CTC1: variants seen among roughly 807,000 people sequenced by gnomAD.
CTC1 encodes CST complex subunit CTC1.
CTC1 carries 91 observed loss-of-function variants against 136.3 expected under a neutral mutation model. The observed-to-expected ratio is 0.67, with a 90% CI of 0.56 to 0.79. The LOEUF is 0.79. CTC1 is among the 30% of genes least tolerant of loss of function. The pLI, the probability that CTC1 is intolerant of heterozygous loss-of-function variation, is 0.00. For synonymous variants in CTC1, 606 were observed against 613.8 expected (o/e 0.99, Z 0.19); for missense variants, 1,432 against 1,498.1 (o/e 0.96, Z 0.73).
Position 8,226,324 on chromosome 17 carries a change from G to C in CTC1, c.*1856C>G, listed in dbSNP as rs145845338. 15 of 152,160 alleles carry C rather than the reference G, an allele frequency of 9.9e-5. No homozygotes were observed. The highest frequency in any genetic ancestry group is 7.9e-4 in the Admixed American group (12 of 15,264). The allele number at this position is 152,160 out of a possible 1,614,324, so 9.4% of individuals were successfully genotyped here. A position where few individuals can be genotyped will look rare whatever the true frequency, so the allele number is the denominator to read the frequency against. On this transcript the variant is annotated 3_prime_UTR_variant, in exon 23 of 23. Transcript: ENST00000651323. ...CCACGGCGCCGAAGCTGCCATAAAG[G>C]TTCCTGAAATTCATCTACAAGAATA...
In CTC1 at chr17:8,238,587, T is replaced by C. The variant is rs376212588; in HGVS notation, c.240A>G (p.Pro80=). 2 of 1,613,194 alleles carry C rather than the reference T, an allele frequency of 1.2e-6. No homozygotes were observed. Among genetic ancestry groups the C allele is most frequent in the South Asian group, 2.2e-5 (2 of 90,964 alleles). Residue 80 remains proline, a synonymous_variant, in exon 3 of 23, where the codon CCA becomes CCG. Transcript: ENST00000651323. ...VQDLKTHQRL[P]CCSHLSWSSS... is the part of the protein sequence containing the mutation. ...TGCTCCACGACAGGTGGCTGCAGCA[T>C]GGGAGACGCTGGTGAGTCTTGAGGT...
chr17:8,231,586 C>T (rs963229586), intron 14 of CTC1, 117 bp from the exon 15 acceptor site: 8 of 1,225,278 alleles, frequency 6.5e-6, no homozygotes, highest in Non-Finnish European at 9.3e-6. Flanking sequence ...AGTGTGTCAA[C>T]ACACACAGGC....
intron 2 of CTC1, among the ~76,000 whole-genome samples, chr17:8,240,299 C>A (rs1333567880): frequency 6.6e-6 from 1 of 151,746 alleles, no homozygotes; most frequent in Non-Finnish European, 1.5e-5. Flanking sequence ...GGACTACAGG[C>A]ATGTGCCACC....
chr17:8,234,690 C>T (rs1987544355), intron 9 of CTC1, 35 bp from the exon 10 acceptor site: 2 of 1,587,088 alleles, frequency 1.3e-6, no homozygotes, highest in Non-Finnish European at 1.7e-6. Context: ...GGTGTGTGTC[C>T]CATGGGCCCC....
In CTC1 at chr17:8,226,312, G is replaced by C. The variant is rs535981109; in HGVS notation, c.*1868C>G. On this transcript the variant is annotated 3_prime_UTR_variant, in exon 23 of 23. Transcript: ENST00000651323. ...TAACCAACTAAGCCACGGCGCCGAA[G>C]CTGCCATAAAGGTTCCTGAAATTCA... 6.6e-6 allele frequency: 1 copy of C among 152,244 alleles called. No individual in the cohort carries two copies. The allele number at this position is 152,244 out of a possible 1,614,324, so 9.4% of individuals were successfully genotyped here.
chr17:8,237,042 T>TG (rs954923339), intron 5 of CTC1, among the ~76,000 whole-genome samples: 22 of 151,374 alleles, frequency 1.5e-4, no homozygotes, highest in Admixed American at 4.6e-4. Context: ...TACCAAGTTT[T>TG]TTTTTTTTTT....
rs976462714 is a variant in CTC1, at chr17:8,229,254, C to T, written c.3156+48G>A. 3.7e-6 allele frequency: 6 copies of T among 1,613,982 alleles called. No individual in the cohort carries two copies. In the African/African-American group the frequency reaches 8.0e-5, roughly 22 times the overall value. The stretch of plus-strand genomic sequence containing the variant: ...AAAAGTCCTCTTGGTCCCATCACAT[C>T]CCTCTGGCACTCCATACTCAGTTCA... On this transcript the variant is annotated intron_variant, in intron 19 of 22. Coordinates refer to ENST00000651323, the MANE Select transcript of CTC1 (RefSeq NM_025099.6).
At position 8,237,386 on chromosome 17, in the gene CTC1, T is replaced by C. The variant is rs748358827; in HGVS notation, c.781A>G (p.Ile261Val). The C allele has an allele frequency of 1.2e-6, 2 of 1,614,098 alleles. No homozygotes were observed. The highest frequency in any genetic ancestry group is 2.2e-5 in the South Asian group (2 of 91,080). Residue 261 changes from isoleucine (I) to valine (V), a missense_variant, in exon 5 of 23, where the codon ATC becomes GTC. Transcript: ENST00000651323. Reference protein sequence around the residue: ...RSHPAVTHVSIIVQVPAQLVW... With the variant: ...RSHPAVTHVSVIVQVPAQLVW... Reference sequence around the variant, plus strand: ...ACCCCAGTCCTCACCTGCACGATGATGGACACGTGGGTGACAGCTGGGTGT... The same window carrying C: ...ACCCCAGTCCTCACCTGCACGATGACGGACACGTGGGTGACAGCTGGGTGT...
chr17:8,227,233 A>G lies in CTC1; in HGVS notation c.*947T>C, dbSNP rs947458282. The G allele has an allele frequency of 2.0e-5, 3 of 152,252 alleles. No individual in the cohort carries two copies. The highest frequency in any genetic ancestry group is 7.2e-5 in the African/African-American group (3 of 41,460). 9.4% of individuals were successfully genotyped at this position (152,252 alleles called of 1,614,324 possible). A position where few individuals can be genotyped will look rare whatever the true frequency, so the allele number is the denominator to read the frequency against. On this transcript the variant is annotated 3_prime_UTR_variant, in exon 23 of 23. Transcript: ENST00000651323. ...CCAGTAGCTCTGAAAGATGTGCCTC[A>G]GCTCATCTTTCCACCTCTCCATCTA...
chr17:8,234,419 G>C (rs4792621), intron 10 of CTC1, 36 bp downstream of exon 10: 48 of 1,539,610 alleles, frequency 3.1e-5, no homozygotes, highest in Non-Finnish European at 3.5e-5. Flanking sequence ...ATGACAAAAA[G>C]GGAAATCACC....
Position 8,236,010 on chromosome 17 carries a change from AC to A in CTC1, c.1077+47del, listed in dbSNP as rs748539135. 5.0e-6 allele frequency: 8 copies of A among 1,597,788 alleles called. No individual in the cohort carries two copies. The African/African-American group carries it at 1.1e-4, about 21-fold the overall frequency. ...ACCACTATTTTCTTCCTCTTTGAAA[AC>A]CCACATTTCTGGCCCCTCAAGCTCT... On this transcript the variant is annotated intron_variant, in intron 6 of 22. Transcript: ENST00000651323.
intron 1 of CTC1, among the ~76,000 whole-genome samples, chr17:8,245,532 T>A (rs1988603874): frequency 6.6e-6 from 1 of 152,130 alleles, no homozygotes; most frequent in African/African-American, 2.4e-5. Flanking sequence ...GGATGGCCTA[T>A]CCTTTGCTTG....
At chr17:8,244,317 GAC>G (rs1271693136) in intron 1 of CTC1, among the ~76,000 whole-genome samples, 1 of 152,150 alleles carries the variant, frequency 6.6e-6, no homozygotes, top group African/African-American at 2.4e-5. Flanking sequence ...TTGTATACCT[GAC>G]ACAGATTCTG....
chr17:8,227,137 T>A lies in CTC1; in HGVS notation c.*1043A>T, dbSNP rs542320822. On this transcript the variant is annotated 3_prime_UTR_variant, in exon 23 of 23. Transcript: ENST00000651323. ...CATAAAAGCAGCATAAATCCCAACA[T>A]ATGGGTTTAACCACGCTCTAAAGGT... The A allele has an allele frequency of 6.6e-6, 1 of 152,116 alleles. No homozygotes were observed. Among genetic ancestry groups the A allele is most frequent in the Non-Finnish European group, 1.5e-5 (1 of 68,016 alleles). 9.4% of individuals were successfully genotyped at this position (152,116 alleles called of 1,614,324 possible). A position where few individuals can be genotyped will look rare whatever the true frequency, so the allele number is the denominator to read the frequency against.
chr17:8,245,767 C>T (rs1988628597), intron 1 of CTC1, among the ~76,000 whole-genome samples: 1 of 152,054 alleles, frequency 6.6e-6, no homozygotes, highest in Non-Finnish European at 1.5e-5. Flanking sequence ...AGACCCGTCT[C>T]TACAAAAAAG....
At chr17:8,237,559 G>A in intron 4 of CTC1, 40 bp from the exon 5 acceptor site, 14 of 1,581,340 alleles carry the variant, frequency 8.9e-6, no homozygotes, top group Non-Finnish European at 1.2e-5. Flanking sequence ...CAGCTACTCA[G>A]GAGGCTGAGG....
chr17:8,239,089 C>CA (rs778191636), intron 2 of CTC1, among the ~76,000 whole-genome samples: 3,571 of 47,148 alleles, frequency 0.076, 105 homozygotes, highest in African/African-American at 0.12. Flanking sequence ...GAGACTGTCT[C>CA]AAAAAAAAAA....
At chr17:8,244,844 C>T (rs1567623599) in intron 1 of CTC1, among the ~76,000 whole-genome samples, 1 of 152,082 alleles carries the variant, frequency 6.6e-6, no homozygotes, top group African/African-American at 2.4e-5. Flanking sequence ...TTCTTCTAAT[C>T]TTAAGGAGCT....
At position 8,231,403 on chromosome 17, in the gene CTC1, A is replaced by G; in HGVS notation, c.2542T>C (p.Cys848Arg). 1 of 1,613,810 alleles carries G rather than the reference A, an allele frequency of 6.2e-7. No homozygotes were observed. Among genetic ancestry groups the G allele is most frequent in the Middle Eastern group, 1.7e-4 (1 of 6,032 alleles). The change falls in exon 15 of 23, where the codon TGT (cysteine) becomes CGT (arginine). Residue 848 changes from cysteine to arginine, a missense_variant. Transcript: ENST00000651323. ...TCCTGGACAGTGAGGCAGGATGCAC[A>G]GCCAGCCAACTCCAGAGGACGCCGA... ...ISRRPLELAG[C>R]ASCLTVQDNW...
Sources: gnomAD v4.1 joint callset for allele counts (sites outside exome capture counted in the v4.1 genomes callset) on GRCh38, gnomAD v4.1.1 for gene constraint, MANE v1.5 for transcripts, NCBI Gene and HGNC (gene_info 2026-07-23, HGNC 2026-07-21) for gene names.